The following TRUB1 variants were observed in gnomAD, a reference collection of about 807,000 sequenced individuals.
The protein encoded by TRUB1 is pseudouridylate synthase TRUB1.
TRUB1 carries 23 observed loss-of-function variants against 33.9 expected under a neutral mutation model. That is an observed-to-expected ratio of 0.68 (90% CI 0.49 to 0.96). TRUB1 has a LOEUF of 0.96. Among genes scored for constraint, TRUB1 ranks in the 40% least tolerant of loss-of-function variants. The pLI, the probability that TRUB1 is intolerant of heterozygous loss-of-function variation, is 0.00. For missense variants in TRUB1, 378 were observed against 422.2 expected (o/e 0.90, Z 0.92); for synonymous variants, 163 against 165.4 (o/e 0.99, Z 0.11).
At position 114,951,085 on chromosome 10, in the gene TRUB1, G is replaced by A; in HGVS notation, c.386-9G>A. 6.2e-7 allele frequency: 1 copy of A among 1,610,460 alleles called. No homozygotes were observed. The highest frequency in any genetic ancestry group is 8.5e-7 in the Non-Finnish European group (1 of 1,177,590). On this transcript the variant is annotated splice_polypyrimidine_tract_variant and intron_variant, in intron 2 of 7. Coordinates refer to ENST00000298746, the MANE Select transcript of TRUB1 (RefSeq NM_139169.5). ...AGAGTGTCATAATATTTCTTTCTTT[G>A]ATTTGTAGTTGTTGGAATTGGAAGC...
At chr10:114,966,001 TA>T (rs2143023597) in intron 4 of TRUB1, among the ~76,000 whole-genome samples, 1 of 152,248 alleles carries the variant, frequency 6.6e-6, no homozygotes, top group African/African-American at 2.4e-5. Flanking sequence ...ATTTATTTTT[TA>T]AAAACAGCTT....
At chr10:114,972,308 A>C (rs374912724) in intron 6 of TRUB1, 34 bp downstream of exon 6, 111 of 1,566,168 alleles carry the variant, frequency 7.1e-5, no homozygotes, top group Admixed American at 1.7e-4. Context: ...ATTTGTATTT[A>C]CGTGTATTTT....
rs2084357701 is a variant in TRUB1 at position 114,975,792 on chromosome 10, T to G, written c.*413T>G. On this transcript the variant is annotated 3_prime_UTR_variant, in exon 8 of 8. Coordinates refer to ENST00000298746, the MANE Select transcript of TRUB1 (RefSeq NM_139169.5). ...GTGTTATTTTTACTTTATTTAGGCTTCCTGGTGGCTTCATTTTATTGAAAT... is the reference window on the plus strand; with the variant it reads ...GTGTTATTTTTACTTTATTTAGGCTGCCTGGTGGCTTCATTTTATTGAAAT... 6.5e-6 allele frequency: 1 copy of G among 152,826 alleles called. No homozygotes were observed. The allele number at this position is 152,826 out of a possible 1,614,324, so 9.5% of individuals were successfully genotyped here.
rs2084354868 is a variant in TRUB1 at position 114,975,228 on chromosome 10, T to C, written c.899T>C (p.Ile300Thr). The C allele has an allele frequency of 1.2e-6, 2 of 1,613,600 alleles. No homozygotes were observed. Among genetic ancestry groups the C allele is most frequent in the African/African-American group, 1.3e-5 (1 of 74,898 alleles). Reference protein sequence around the residue: ...LPEDKWTIDDIAQSLEHCSSL... With the variant: ...LPEDKWTIDDTAQSLEHCSSL... ...GAAGACAAATGGACAATTGATGACATTGCACAGTCTCTTGAGCATTGCTCA... is the reference window on the plus strand; with the variant it reads ...GAAGACAAATGGACAATTGATGACACTGCACAGTCTCTTGAGCATTGCTCA... The change falls in exon 8 of 8, where the codon ATT becomes ACT. Residue 300 changes from isoleucine to threonine, a missense_variant. Coordinates refer to ENST00000298746, the MANE Select transcript of TRUB1 (RefSeq NM_139169.5).
intron 2 of TRUB1, among the ~76,000 whole-genome samples, chr10:114,946,920 G>A (rs77566066): frequency 0.041 from 6,294 of 152,166 alleles, 164 homozygotes; most frequent in African/African-American, 0.066. Flanking sequence ...GAATATATTA[G>A]GTTACATCAC....
chr10:114,943,359 GT>G (rs1256874734), intron 2 of TRUB1, among the ~76,000 whole-genome samples: 1 of 152,090 alleles, frequency 6.6e-6, no homozygotes, highest in Non-Finnish European at 1.5e-5. Context: ...GTGAAACCCT[GT>G]CTCTTCTAAA....
intron 3 of TRUB1, among the ~76,000 whole-genome samples, chr10:114,952,414 G>A (rs541983095): frequency 1.2e-4 from 18 of 152,328 alleles, no homozygotes; most frequent in Admixed American, 5.2e-4. Context: ...GCACGCCAGC[G>A]TGGGTGACAG....
Position 114,942,652 on chromosome 10 carries a change from A to G in TRUB1, c.294A>G (p.Gly98=), listed in dbSNP as rs1476634146. Reference sequence around the variant, plus strand: ...TCCCCATTTCTCTCATAGAAGCTGGAATGCCTTCTCCAGAATGGACCAAGA... The same window carrying G: ...TCCCCATTTCTCTCATAGAAGCTGGGATGCCTTCTCCAGAATGGACCAAGA... ...RLKEKLLAEA[G]MPSPEWTKRK... Residue 98 remains glycine (G), a synonymous_variant, in exon 2 of 8, where the codon GGA becomes GGG. Coordinates refer to ENST00000298746, the MANE Select transcript of TRUB1 (RefSeq NM_139169.5). The G allele has an allele frequency of 2.5e-6, 4 of 1,612,418 alleles. No homozygotes were observed. Among genetic ancestry groups the G allele is most frequent in the Middle Eastern group, 1.7e-4 (1 of 6,060 alleles).
intron 2 of TRUB1, among the ~76,000 whole-genome samples, chr10:114,945,966 T>C (rs970940475): frequency 4.6e-5 from 7 of 152,228 alleles, no homozygotes; most frequent in Non-Finnish European, 1.0e-4. Context: ...TAATTTTTCT[T>C]TTAATGCATG....
intron 2 of TRUB1, among the ~76,000 whole-genome samples, chr10:114,944,911 G>A (rs536337151): frequency 6.6e-6 from 1 of 152,206 alleles, no homozygotes; most frequent in East Asian, 1.9e-4. Flanking sequence ...CTGGAGCCTG[G>A]GAAGTTGAGG....
chr10:114,955,142 A>G (rs1253318777), intron 3 of TRUB1, among the ~76,000 whole-genome samples: 1 of 152,210 alleles, frequency 6.6e-6, no homozygotes, highest in Non-Finnish European at 1.5e-5. Flanking sequence ...AGTTTAGGTA[A>G]AATTCTGAGA....
At chr10:114,973,221 A>G (rs2084344820) in intron 6 of TRUB1, among the ~76,000 whole-genome samples, 1 of 152,214 alleles carries the variant, frequency 6.6e-6, no homozygotes, top group South Asian at 2.1e-4. Context: ...AAACACACTT[A>G]GGAAGGTTGT....
In TRUB1 at chr10:114,938,523, G is replaced by A; in HGVS notation, c.270G>A (p.Lys90=). ...CAGCCGAGCTGCTGAATCGGTTGAA[G>A]GAGAAGCTGCTGGCAGGTACTGCAG... ...PTSAELLNRL[K]EKLLAEAGMP... The change falls in exon 1 of 8, where the codon AAG becomes AAA. Residue 90 remains lysine (K), a synonymous_variant. Transcript: ENST00000298746. 2 of 1,542,014 alleles carry A rather than the reference G, an allele frequency of 1.3e-6. No individual in the cohort carries two copies. The highest frequency in any genetic ancestry group is 1.7e-6 in the Non-Finnish European group (2 of 1,147,552).
At chr10:114,948,125 C>T (rs881193) in intron 2 of TRUB1, among the ~76,000 whole-genome samples, 7,871 of 152,224 alleles carry the variant, frequency 0.052, 252 homozygotes, top group African/African-American at 0.074. Context: ...TGAGTGAGCA[C>T]AGAACACTTG....
chr10:114,961,272 A>G (rs1375061155), intron 4 of TRUB1, among the ~76,000 whole-genome samples: 2 of 152,112 alleles, frequency 1.3e-5, no homozygotes, highest in African/African-American at 4.8e-5. Flanking sequence ...CCAGGGTGCC[A>G]GTGGTAGAGA....
intron 4 of TRUB1, among the ~76,000 whole-genome samples, chr10:114,967,108 T>C (rs2084311849): frequency 4.6e-5 from 7 of 152,236 alleles, no homozygotes; most frequent in Admixed American, 4.6e-4. Flanking sequence ...GGTGCCTTCA[T>C]AGACATTTCT....
intron 2 of TRUB1, among the ~76,000 whole-genome samples, chr10:114,946,912 A>G (rs1274066356): frequency 6.6e-6 from 1 of 152,186 alleles, no homozygotes; most frequent in East Asian, 1.9e-4. Flanking sequence ...TAACCTGTGA[A>G]TATATTAGGT....
chr10:114,969,903 A>G (rs1470673971), intron 4 of TRUB1, among the ~76,000 whole-genome samples: 1 of 152,192 alleles, frequency 6.6e-6, no homozygotes, highest in Non-Finnish European at 1.5e-5. Flanking sequence ...TAAAATGTGG[A>G]TAATACTTGT....
chr10:114,941,790 TTTA>T (rs1382253555), intron 1 of TRUB1, among the ~76,000 whole-genome samples: 4 of 151,524 alleles, frequency 2.6e-5, no homozygotes, highest in Non-Finnish European at 5.9e-5. Context: ...TGTTTATTTA[TTTA>T]TTTTTTTTTG....
Sources: allele counts gnomAD v4.1 joint callset (sites outside exome capture counted in the v4.1 genomes callset), GRCh38; gene constraint gnomAD v4.1.1; transcripts MANE v1.5; gene names NCBI Gene and HGNC (gene_info 2026-07-23, HGNC 2026-07-21).